Variants in ATRNL1 observed in about 807,000 individuals in gnomAD.
ATRNL1 encodes attractin like 1, also known as attractin-like protein 1.
A neutral mutation model predicts 182.7 loss-of-function variants in ATRNL1; 95 were observed. That is an observed-to-expected ratio of 0.52 (90% confidence interval 0.44 to 0.62). The LOEUF (loss-of-function observed/expected upper bound fraction) is 0.62, where lower values mean the gene tolerates loss of function less well. Among genes scored for constraint, ATRNL1 ranks in the 20% least tolerant of loss-of-function variants. ATRNL1 has a pLI of 0.00. For synonymous variants in ATRNL1, 576 were observed against 568.3 expected, an observed-to-expected ratio of 1.01 and a Z score of -0.19; for missense variants, 1,471 against 1,679.5, an observed-to-expected ratio of 0.88 and a Z score of 2.17.
chr10:115,254,610 T>G (rs1446102846), intron 10 of ATRNL1, among the ~76,000 whole-genome samples: 1 of 152,224 alleles, frequency 6.6e-6, no homozygotes, highest in Admixed American at 6.5e-5. Flanking sequence ...GATGGTAGTT[T>G]CTTTTGCTGT....
chr10:115,319,361 C>T (rs1554930663), intron 18 of ATRNL1, among the ~76,000 whole-genome samples: 1 of 152,176 alleles, frequency 6.6e-6, no homozygotes, highest in African/African-American at 2.4e-5. Context: ...AATGTATATT[C>T]TGTTGATTTG....
chr10:115,909,597 T>C (rs1474638806), intron 28 of ATRNL1: 1 of 144,762 alleles, frequency 6.9e-6, no homozygotes, highest in Non-Finnish European at 1.5e-5. Flanking sequence ...ATGGTTTTTT[T>C]TCTTTTTTCC....
intron 26 of ATRNL1, among the ~76,000 whole-genome samples, chr10:115,630,550 C>T (rs974031667): frequency 2.6e-5 from 4 of 151,540 alleles, no homozygotes; most frequent in Admixed American, 2.6e-4. Flanking sequence ...CTCCAAGAGA[C>T]ATCTGCACTC....
chr10:115,282,847 C>A (rs187644217), intron 14 of ATRNL1, among the ~76,000 whole-genome samples: 1 of 148,924 alleles, frequency 6.7e-6, no homozygotes, highest in Non-Finnish European at 1.5e-5. Context: ...ACTTTAAGTT[C>A]TGGGGTACTT....
At chr10:115,459,176 G>A (rs567811954) in intron 21 of ATRNL1, among the ~76,000 whole-genome samples, 24 of 152,192 alleles carry the variant, frequency 1.6e-4, no homozygotes, top group African/African-American at 5.8e-4. Flanking sequence ...TCAGGACCCT[G>A]TAATAATTGC....
chr10:115,394,404 G>C (rs1844185352), intron 19 of ATRNL1, among the ~76,000 whole-genome samples: 1 of 151,818 alleles, frequency 6.6e-6, no homozygotes, highest in South Asian at 2.1e-4. Context: ...GCCCAAAGAA[G>C]AATTAGATAA....
chr10:115,271,895 T>C (rs1416248471), intron 13 of ATRNL1, among the ~76,000 whole-genome samples: 2 of 152,142 alleles, frequency 1.3e-5, no homozygotes, highest in Non-Finnish European at 2.9e-5. Context: ...GAGGTGGGGC[T>C]TGGTAGGAGG....
intron 20 of ATRNL1, among the ~76,000 whole-genome samples, chr10:115,395,809 T>C (rs140699295): frequency 7.5e-4 from 114 of 151,932 alleles, no homozygotes; most frequent in African/African-American, 2.7e-3. Context: ...GCTATTTAAA[T>C]TGTTTTTTAT....
intron 28 of ATRNL1, among the ~76,000 whole-genome samples, chr10:115,858,630 A>G (rs1456506256): frequency 3.3e-5 from 5 of 152,148 alleles, no homozygotes; most frequent in African/African-American, 1.2e-4. Flanking sequence ...GGTTCAGCAA[A>G]CCACCATGGC....
At chr10:115,740,164 G>A (rs967903791) in intron 27 of ATRNL1, among the ~76,000 whole-genome samples, 6 of 151,988 alleles carry the variant, frequency 3.9e-5, no homozygotes, top group African/African-American at 9.7e-5. Context: ...AAATAAAATA[G>A]CAACTAGGTC....
intron 28 of ATRNL1, among the ~76,000 whole-genome samples, chr10:115,927,750 C>T (rs1555120653): frequency 6.6e-6 from 1 of 152,028 alleles, no homozygotes; most frequent in Non-Finnish European, 1.5e-5. Context: ...TCAAGAGAAT[C>T]AGTGCACAGT....
At chr10:115,225,068 C>T (rs1849635345) in intron 9 of ATRNL1, among the ~76,000 whole-genome samples, 1 of 151,954 alleles carries the variant, frequency 6.6e-6, no homozygotes, top group Non-Finnish European at 1.5e-5. Flanking sequence ...AAGGATGTTA[C>T]AGGTAAGGAA....
chr10:115,407,984 TC>T (rs1844920067), intron 20 of ATRNL1, among the ~76,000 whole-genome samples: 10 of 131,234 alleles, frequency 7.6e-5, no homozygotes, highest in Non-Finnish European at 3.2e-5. Context: ...GATTTGCATT[TC>T]TTTTTTTTTT....
At chr10:115,238,351 A>G (rs574983798) in intron 9 of ATRNL1, among the ~76,000 whole-genome samples, 1 of 152,332 alleles carries the variant, frequency 6.6e-6, no homozygotes, top group African/African-American at 2.4e-5. Context: ...AAGAACTGGC[A>G]TATTGCCAGT....
chr10:115,427,139 TAG>T (rs1184324611), intron 21 of ATRNL1, among the ~76,000 whole-genome samples: 1 of 152,200 alleles, frequency 6.6e-6, no homozygotes, highest in East Asian at 1.9e-4. Flanking sequence ...GAAACTTTTT[TAG>T]AGTTAGTCCA....
chr10:115,148,915 A>T (rs1248881487), intron 5 of ATRNL1, among the ~76,000 whole-genome samples: 2 of 151,816 alleles, frequency 1.3e-5, no homozygotes, highest in African/African-American at 4.8e-5. Context: ...ACACCCAGGT[A>T]ATTTTTGTAT....
intron 20 of ATRNL1, among the ~76,000 whole-genome samples, chr10:115,416,027 T>A (rs1845372824): frequency 6.6e-6 from 1 of 152,082 alleles, no homozygotes; most frequent in Non-Finnish European, 1.5e-5. Flanking sequence ...CTAATTATTC[T>A]TGTATGTTTA....
chr10:115,268,229 T>G (rs1479723111), intron 12 of ATRNL1, 97 bp from the exon 13 acceptor site: 1 of 733,592 alleles, frequency 1.4e-6, no homozygotes, highest in African/African-American at 1.8e-5. Context: ...AAAAAATGTC[T>G]TAGTGATTCT....
chr10:115,281,267 A>G (rs1226310316), intron 13 of ATRNL1, 88 bp from the exon 14 acceptor site: 12 of 1,111,516 alleles, frequency 1.1e-5, no homozygotes, highest in Non-Finnish European at 1.5e-5. Flanking sequence ...TTTATTTTAA[A>G]GTTCACCAGA....
Sources: allele counts gnomAD v4.1 joint callset (sites outside exome capture counted in the v4.1 genomes callset), GRCh38; gene constraint gnomAD v4.1.1; transcripts MANE v1.5; gene names NCBI Gene and HGNC (gene_info 2026-07-23, HGNC 2026-07-21).